PTPN13: variants seen among roughly 807,000 people sequenced by gnomAD.
The protein encoded by PTPN13 is tyrosine-protein phosphatase non-receptor type 13.
In PTPN13, 191 loss-of-function variants were observed where a neutral mutation model predicts 284.0. The ratio of observed to expected loss-of-function variants is 0.67; its 90% CI spans 0.60 to 0.76. The LOEUF is 0.76. Among genes scored for constraint, PTPN13 ranks in the 30% least tolerant of loss-of-function variants. The pLI is 0.00. For missense variants in PTPN13, 2,797 were observed against 2,939.9 expected (o/e 0.95, Z 1.12); for synonymous variants, 986 against 1,022.3 (o/e 0.96, Z 0.68).
At chr4:86,745,236 A>T in intron 17 of PTPN13, 108 bp downstream of exon 17, 1 of 1,043,690 alleles carries the variant, frequency 9.6e-7, no homozygotes, top group South Asian at 1.9e-5. Context: ...CAATGTATAT[A>T]CATGTTAAAT....
intron 25 of PTPN13, 136 bp downstream of exon 25, chr4:86,764,860 T>A (rs948747353): frequency 2.0e-6 from 2 of 1,004,102 alleles, no homozygotes; most frequent in African/African-American, 3.4e-5. Flanking sequence ...AACTGAATCA[T>A]ATCTAAAAAC....
chr4:86,723,862 G>A (rs777758530), intron 10 of PTPN13, among the ~76,000 whole-genome samples: 1 of 151,842 alleles, frequency 6.6e-6, no homozygotes, highest in Non-Finnish European at 1.5e-5. Context: ...TTTCTTTTTA[G>A]TTCTGCACTA....
chr4:86,764,872 A>C, intron 25 of PTPN13, 148 bp downstream of exon 25: 1 of 926,172 alleles, frequency 1.1e-6, no homozygotes, highest in Non-Finnish European at 1.5e-6. Context: ...TCTAAAAACT[A>C]TTTTAAAAAT....
intron 2 of PTPN13, among the ~76,000 whole-genome samples, chr4:86,670,573 A>G (rs141209024): frequency 1.4e-4 from 21 of 152,114 alleles, no homozygotes; most frequent in African/African-American, 4.3e-4. Context: ...CACCACCTCT[A>G]TTGCCACCAC....
chr4:86,657,680 T>G (rs2148834577), intron 2 of PTPN13, among the ~76,000 whole-genome samples: 1 of 152,280 alleles, frequency 6.6e-6, no homozygotes, highest in East Asian at 1.9e-4. Flanking sequence ...CCATGACCAC[T>G]TTAGTCAGCA....
At chr4:86,731,305 T>C (rs1479918804) in intron 10 of PTPN13, among the ~76,000 whole-genome samples, 1 of 152,196 alleles carries the variant, frequency 6.6e-6, no homozygotes, top group Non-Finnish European at 1.5e-5. Context: ...AGAGTCTAAC[T>C]TGTTTTAAGT....
Position 86,745,000 on chromosome 4 carries a change from G to T in PTPN13, c.2522G>T (p.Gly841Val). 1 of 1,592,606 alleles carries T rather than the reference G, an allele frequency of 6.3e-7. No individual in the cohort carries two copies. The highest frequency in any genetic ancestry group is 8.6e-7 in the Non-Finnish European group (1 of 1,168,412). ...KKITLQNTSD[G>V]IKHGFQTDNS... ...ATCACATTGCAAAATACATCAGATG[G>T]AATAAAACATGGCTTCCAGACAGAC... Residue 841 changes from glycine to valine, a missense_variant, in exon 17 of 48, where the codon GGA becomes GTA. By Grantham distance (109) the Gly-to-Val change is moderately radical. Transcript: ENST00000411767.
intron 28 of PTPN13, 135 bp downstream of exon 28, chr4:86,768,111 C>T (rs911220148): frequency 1.3e-6 from 1 of 769,754 alleles, no homozygotes; most frequent in Non-Finnish European, 2.0e-6. Context: ...AATAATCTGA[C>T]ATCACACCAT....
rs368477385 is a variant in PTPN13, at chr4:86,762,860, G to A, written c.3687G>A (p.Ser1229=). 2.5e-5 allele frequency: 40 copies of A among 1,613,684 alleles called. No individual in the cohort carries two copies. Among genetic ancestry groups the A allele is most frequent in the Admixed American group, 3.3e-5 (2 of 59,990 alleles). Residue 1229 remains serine, a synonymous_variant, in exon 24 of 48, where the codon TCG becomes TCA. Transcript: ENST00000411767. ...CACGTGGTACCCTGAGGCACATCTC[G>A]GAGAACTCCTTTGGGCCATCTGGGG... ...HWSRGTLRHI[S]ENSFGPSGGL...
chr4:86,782,219 C>G lies in PTPN13; in HGVS notation c.5981C>G (p.Ser1994Cys). The change falls in exon 37 of 48, where the codon TCT (serine) becomes TGT (cysteine). Residue 1994 changes from serine to cysteine, a missense_variant. By Grantham distance (112) the Ser-to-Cys change is moderately radical. Transcript: ENST00000411767. ...CTTTCAGGTTCCTACAGTGTGGGGT[C>G]TTGCAGCCAGCCTGCCCTCACTCCT... ...TKGNGSYSVG[S>C]CSQPALTPND... 6.2e-7 allele frequency: 1 copy of G among 1,609,836 alleles called. No homozygotes were observed. Among genetic ancestry groups the G allele is most frequent in the Non-Finnish European group, 8.5e-7 (1 of 1,176,172 alleles).
At chr4:86,597,762 A>G (rs965417112) in intron 1 of PTPN13, among the ~76,000 whole-genome samples, 2 of 152,218 alleles carry the variant, frequency 1.3e-5, no homozygotes, top group African/African-American at 2.4e-5. Flanking sequence ...TCTTAGGATA[A>G]AAAGAGAAGA....
chr4:86,714,363 G>A (rs1006525095), intron 7 of PTPN13, among the ~76,000 whole-genome samples: 1 of 152,002 alleles, frequency 6.6e-6, no homozygotes, highest in Non-Finnish European at 1.5e-5. Context: ...AAGAAGGTAC[G>A]ATTTTTCCTC....
chr4:86,807,113 G>A (rs1033650771), intron 44 of PTPN13, among the ~76,000 whole-genome samples: 2 of 152,046 alleles, frequency 1.3e-5, no homozygotes, highest in African/African-American at 4.8e-5. Flanking sequence ...CTTTAATAGT[G>A]TTATTGTAAT....
Position 86,722,228 on chromosome 4 carries a change from C to A in PTPN13, c.1402C>A (p.Pro468Thr), listed in dbSNP as rs1395988349. ...SQRPSRQYET[P>T]FEGNLINQEI... ...TCTATATAGCAGACAATATGAAACACCCTTTGAAGGCAACTTAATTAATCA... is the reference window on the plus strand; with the variant it reads ...TCTATATAGCAGACAATATGAAACAACCTTTGAAGGCAACTTAATTAATCA... The change falls in exon 10 of 48, where the codon CCC (proline) becomes ACC (threonine). Residue 468 changes from proline (P) to threonine (T), a missense_variant. By Grantham distance (38) the Pro-to-Thr change is conservative. Transcript: ENST00000411767. 1 of 1,613,168 alleles carries A rather than the reference C, an allele frequency of 6.2e-7. No individual in the cohort carries two copies. Among genetic ancestry groups the A allele is most frequent in the South Asian group, 1.1e-5 (1 of 91,054 alleles).
At chr4:86,742,509 T>C (rs1046189127) in intron 16 of PTPN13, among the ~76,000 whole-genome samples, 1 of 152,190 alleles carries the variant, frequency 6.6e-6, no homozygotes, top group African/African-American at 2.4e-5. Context: ...TACTGATACC[T>C]TTAGTTCATC....
At chr4:86,665,145 G>A (rs1280553408) in intron 2 of PTPN13, among the ~76,000 whole-genome samples, 1 of 152,158 alleles carries the variant, frequency 6.6e-6, no homozygotes, top group Non-Finnish European at 1.5e-5. Flanking sequence ...ACTACTGGAA[G>A]CCTAATTGAT....
At chr4:86,628,996 A>G (rs1722163254) in intron 1 of PTPN13, among the ~76,000 whole-genome samples, 1 of 152,052 alleles carries the variant, frequency 6.6e-6, no homozygotes, top group Non-Finnish European at 1.5e-5. Context: ...AGCATGATTT[A>G]TAGTCCTTTG....
At chr4:86,722,823 A>G (rs1338079121) in intron 10 of PTPN13, among the ~76,000 whole-genome samples, 2 of 152,172 alleles carry the variant, frequency 1.3e-5, no homozygotes, top group African/African-American at 4.8e-5. Flanking sequence ...AAGTTCAAGA[A>G]TGTTATCAAG....
intron 47 of PTPN13, among the ~76,000 whole-genome samples, chr4:86,812,267 G>A (rs867117742): frequency 1.6e-4 from 20 of 126,196 alleles, no homozygotes; most frequent in Admixed American, 4.2e-4. Context: ...CCGAGATCCC[G>A]CCACTGCACT....
Sources: allele counts gnomAD v4.1 joint callset (sites outside exome capture counted in the v4.1 genomes callset), GRCh38; gene constraint gnomAD v4.1.1; transcripts MANE v1.5; gene names NCBI Gene and HGNC (gene_info 2026-07-23, HGNC 2026-07-21).